The following PDE4D variants were observed in gnomAD, a reference collection of about 807,000 sequenced individuals.
The protein encoded by PDE4D is phosphodiesterase 4D, also known as 3',5'-cyclic-AMP phosphodiesterase 4D.
A neutral mutation model predicts 87.4 loss-of-function variants in PDE4D; 24 were observed. The observed-to-expected ratio is 0.27, with a 90% CI of 0.20 to 0.39. PDE4D has a LOEUF of 0.39. PDE4D is among the 10% of genes least tolerant of loss of function. The pLI, the probability that PDE4D is intolerant of heterozygous loss-of-function variation, is 1.00. For missense variants in PDE4D, 714 were observed against 1,041.0 expected (o/e 0.69, Z 4.32); for synonymous variants, 384 against 383.2 (o/e 1.00, Z -0.02).
chr5:59,627,425 C>A (rs184218816), intron 1 of PDE4D, among the ~76,000 whole-genome samples: 36 of 152,318 alleles, frequency 2.4e-4, no homozygotes, highest in African/African-American at 8.4e-4. Flanking sequence ...GGAGCATATT[C>A]TAAGTTCATT....
chr5:59,476,306 T>C (rs942806907), intron 1 of PDE4D, among the ~76,000 whole-genome samples: 1 of 152,094 alleles, frequency 6.6e-6, no homozygotes, highest in Non-Finnish European at 1.5e-5. Flanking sequence ...TTGACAATGT[T>C]CTATTTCCTG....
intron 5 of PDE4D, among the ~76,000 whole-genome samples, chr5:59,112,817 T>G (rs1772905904): frequency 8.0e-6 from 1 of 124,768 alleles, no homozygotes; most frequent in Non-Finnish European, 1.7e-5. Context: ...TTTTTTTTTT[T>G]GAGACAGAGT....
intron 1 of PDE4D, among the ~76,000 whole-genome samples, chr5:59,877,815 C>A (rs901931251): frequency 6.6e-6 from 1 of 150,452 alleles, no homozygotes; most frequent in Non-Finnish European, 1.5e-5. Context: ...CAAGATTCTG[C>A]CAAAAAAAAG....
chr5:59,594,150 G>GA (rs70975322), intron 1 of PDE4D, among the ~76,000 whole-genome samples: 145,976 of 147,534 alleles, frequency 0.99, 72,224 homozygotes, highest in South Asian at 1. Context: ...TATGGTATAA[G>GA]AAAAAAAAAA....
intron 2 of PDE4D, among the ~76,000 whole-genome samples, chr5:60,009,094 C>T (rs1431793440): frequency 6.6e-6 from 1 of 152,020 alleles, no homozygotes; most frequent in Admixed American, 6.6e-5. Context: ...TTCATGAATA[C>T]AGGCATTCAG....
At chr5:59,400,411 T>G (rs1401393326) in intron 1 of PDE4D, among the ~76,000 whole-genome samples, 1 of 146,280 alleles carries the variant, frequency 6.8e-6, no homozygotes, top group Non-Finnish European at 1.5e-5. Flanking sequence ...CCATAAAAAA[T>G]GATGAGTTCA....
At chr5:60,294,538 G>C (rs1258616520) in intron 1 of PDE4D, among the ~76,000 whole-genome samples, 1 of 151,990 alleles carries the variant, frequency 6.6e-6, no homozygotes, top group Non-Finnish European at 1.5e-5. Context: ...TTTGTCTGAG[G>C]TGTGAATTTA....
intron 1 of PDE4D, among the ~76,000 whole-genome samples, chr5:60,273,950 G>A (rs946585003): frequency 3.3e-5 from 5 of 152,190 alleles, no homozygotes; most frequent in African/African-American, 9.7e-5. Flanking sequence ...TGGAATAGAT[G>A]AGCATGCCCA....
chr5:59,211,206 C>G (rs1032558342), intron 2 of PDE4D, among the ~76,000 whole-genome samples: 3 of 152,080 alleles, frequency 2.0e-5, no homozygotes, highest in African/African-American at 7.2e-5. Flanking sequence ...CATGCTAATA[C>G]TTAACATTTT....
intron 1 of PDE4D, among the ~76,000 whole-genome samples, chr5:60,454,838 C>G (rs567553122): frequency 9.2e-5 from 14 of 152,006 alleles, no homozygotes; most frequent in Non-Finnish European, 2.9e-5. Flanking sequence ...GATGGTTGGT[C>G]TTTCCCCTGG....
chr5:60,338,864 G>C (rs1261232206), intron 1 of PDE4D, among the ~76,000 whole-genome samples: 1 of 152,094 alleles, frequency 6.6e-6, no homozygotes, highest in Non-Finnish European at 1.5e-5. Context: ...AGCACCATTA[G>C]TATCCAGGGG....
chr5:59,886,361 C>G (rs1052202920), intron 1 of PDE4D, among the ~76,000 whole-genome samples: 6 of 151,740 alleles, frequency 4.0e-5, no homozygotes, highest in African/African-American at 1.5e-4. Flanking sequence ...ACTAAAAATA[C>G]GAAAAATTAG....
At chr5:59,452,336 G>C (rs1799293154) in intron 1 of PDE4D, among the ~76,000 whole-genome samples, 1 of 152,292 alleles carries the variant, frequency 6.6e-6, no homozygotes, top group South Asian at 2.1e-4. Flanking sequence ...TAAGCTAAAA[G>C]AAACACTCTA....
intron 1 of PDE4D, among the ~76,000 whole-genome samples, chr5:60,299,813 T>C (rs1753732787): frequency 6.6e-6 from 1 of 152,240 alleles, no homozygotes; most frequent in Non-Finnish European, 1.5e-5. Context: ...GGTGGGCATT[T>C]AAGTTGATTC....
intron 2 of PDE4D, among the ~76,000 whole-genome samples, chr5:60,166,741 G>A (rs1465985068): frequency 6.6e-6 from 1 of 151,954 alleles, no homozygotes; most frequent in Non-Finnish European, 1.5e-5. Flanking sequence ...TTTTAACACA[G>A]GTCTGGCAAT....
intron 1 of PDE4D, among the ~76,000 whole-genome samples, chr5:59,750,083 C>CTTTTTTTT (rs1251524921): frequency 8.6e-6 from 1 of 116,440 alleles, no homozygotes; most frequent in African/African-American, 3.0e-5. Flanking sequence ...AGAATTATGA[C>CTTTTTTTT]CTTTTTTTTT....
intron 5 of PDE4D, among the ~76,000 whole-genome samples, chr5:59,111,579 C>T (rs1044746419): frequency 1.3e-5 from 2 of 152,104 alleles, no homozygotes; most frequent in Non-Finnish European, 2.9e-5. Context: ...AAAAGCCATA[C>T]TTTCTTTCTT....
At chr5:59,289,428 G>A (rs1767589217) in intron 1 of PDE4D, among the ~76,000 whole-genome samples, 1 of 151,686 alleles carries the variant, frequency 6.6e-6, no homozygotes, top group South Asian at 2.1e-4. Context: ...AAGACAGGAA[G>A]GACAAAAACC....
chr5:60,245,945 A>G (rs1459502761), intron 1 of PDE4D, among the ~76,000 whole-genome samples: 1 of 151,968 alleles, frequency 6.6e-6, no homozygotes, highest in Non-Finnish European at 1.5e-5. Context: ...GATTGTTTGT[A>G]ACACAAAAAA....
Sources: gnomAD v4.1 joint callset for allele counts (sites outside exome capture counted in the v4.1 genomes callset) on GRCh38, gnomAD v4.1.1 for gene constraint, MANE v1.5 for transcripts, NCBI Gene and HGNC (gene_info 2026-07-23, HGNC 2026-07-21) for gene names.